TMEM232: variants seen among roughly 807,000 people sequenced by gnomAD.
TMEM232 encodes transmembrane protein 232.
In TMEM232, 80 loss-of-function variants were observed where a neutral mutation model predicts 78.8. The ratio of observed to expected loss-of-function variants is 1.01; its 90% confidence interval spans 0.85 to 1.22. The LOEUF is 1.22. Ranked by LOEUF, TMEM232 falls within the 50% of genes most tolerant of loss-of-function variation. The pLI is 0.00. For synonymous variants in TMEM232, 297 were observed against 254.3 expected (o/e 1.17, Z -1.60); for missense variants, 881 against 742.2 (o/e 1.19, Z -2.17).
At chr5:110,652,650 G>A (rs1788498787) in intron 2 of TMEM232, among the ~76,000 whole-genome samples, 1 of 152,080 alleles carries the variant, frequency 6.6e-6, no homozygotes, top group Non-Finnish European at 1.5e-5. Flanking sequence ...TTTAGTGAGA[G>A]ATAAACATAG....
intron 2 of TMEM232, among the ~76,000 whole-genome samples, chr5:110,651,451 G>A (rs890828104): frequency 2.1e-5 from 3 of 145,534 alleles, no homozygotes; most frequent in Non-Finnish European, 4.6e-5. Flanking sequence ...GGAGGAAAAG[G>A]GAAAGGGAAA....
chr5:110,473,713 T>C (rs1473800553), intron 12 of TMEM232, among the ~76,000 whole-genome samples: 1 of 150,690 alleles, frequency 6.6e-6, no homozygotes, highest in African/African-American at 2.4e-5. Flanking sequence ...CTATTCACCA[T>C]AGCTGAGATA....
rs1429118362 is a variant in TMEM232 at position 110,428,449 on chromosome 5, A to G, written c.1704-3533T>C. On this transcript the variant is annotated intron_variant, in intron 12 of 13. Transcript: ENST00000455884. ...AGGAATTTCTTTCTCAATGACCTGGAGCCATCTCTTTGAAAGATATCCTCA... is the reference window on the plus strand; with the variant it reads ...AGGAATTTCTTTCTCAATGACCTGGGGCCATCTCTTTGAAAGATATCCTCA... Among the ~76,000 whole-genome samples, 4 of 151,800 alleles carry G rather than the reference A, an allele frequency of 2.6e-5. No individual in the cohort carries two copies. The East Asian group carries it at 7.8e-4, about 29-fold the overall frequency.
At chr5:110,738,270 A>G (rs1415301137), upstream of TMEM232, 1 of 1,275,966 alleles carries the variant, frequency 7.8e-7, no homozygotes, top group Non-Finnish European at 1.0e-6. Context: ...GCTCTACAGT[A>G]GTCCTCTCAG....
intron 10 of TMEM232, among the ~76,000 whole-genome samples, chr5:110,598,693 G>A (rs1047520720): frequency 1.3e-5 from 2 of 151,860 alleles, no homozygotes; most frequent in African/African-American, 4.8e-5. Context: ...AAAAAATGAG[G>A]AGTTCATGTC....
At chr5:110,588,889 A>G (rs1234703850) in intron 10 of TMEM232, among the ~76,000 whole-genome samples, 1 of 152,060 alleles carries the variant, frequency 6.6e-6, no homozygotes, top group Non-Finnish European at 1.5e-5. Context: ...TTCATTATCT[A>G]TTTCTAAATA....
At chr5:110,664,172 G>A (rs1286411652) in intron 2 of TMEM232, among the ~76,000 whole-genome samples, 1 of 151,986 alleles carries the variant, frequency 6.6e-6, no homozygotes, top group Admixed American at 6.6e-5. Flanking sequence ...GGACACACCT[G>A]CACAGATACA....
intron 10 of TMEM232, among the ~76,000 whole-genome samples, chr5:110,573,018 TGA>T (rs1428684934): frequency 6.6e-6 from 1 of 152,012 alleles, no homozygotes; most frequent in Non-Finnish European, 1.5e-5. Context: ...TTAAATATAC[TGA>T]GAGAAAATAT....
intron 11 of TMEM232, among the ~76,000 whole-genome samples, chr5:110,540,679 A>G (rs770427717): frequency 1.1e-4 from 17 of 152,226 alleles, no homozygotes; most frequent in Non-Finnish European, 5.9e-5. Flanking sequence ...TCGTAGTACA[A>G]TTGAAGCCCA....
chr5:110,551,095 C>T (rs1253988760), intron 11 of TMEM232, among the ~76,000 whole-genome samples: 7 of 152,034 alleles, frequency 4.6e-5, no homozygotes, highest in Non-Finnish European at 1.0e-4. Context: ...TATTTTGCCT[C>T]TTAAGAAAAA....
intron 8 of TMEM232, among the ~76,000 whole-genome samples, chr5:110,608,273 G>A (rs1781754444): frequency 1.3e-5 from 2 of 151,852 alleles, no homozygotes; most frequent in African/African-American, 4.8e-5. Flanking sequence ...AAAATGACAA[G>A]GTTCAGAATG....
intron 1 of TMEM232, among the ~76,000 whole-genome samples, chr5:110,700,153 T>A (rs986967692): frequency 6.6e-6 from 1 of 152,046 alleles, no homozygotes; most frequent in Non-Finnish European, 1.5e-5. Flanking sequence ...TCCCCAGGTA[T>A]TTTCTAAGAT....
chr5:110,495,790 C>T (rs1310021374), intron 12 of TMEM232, among the ~76,000 whole-genome samples: 1 of 150,376 alleles, frequency 6.6e-6, no homozygotes, highest in Non-Finnish European at 1.5e-5. Flanking sequence ...TTTATAGTTA[C>T]TAGAACTAAA....
At chr5:110,577,113 T>C (rs1777657749) in intron 10 of TMEM232, among the ~76,000 whole-genome samples, 1 of 151,786 alleles carries the variant, frequency 6.6e-6, no homozygotes, top group African/African-American at 2.4e-5. Context: ...TGGGAGAAAA[T>C]TTTTGCACAT....
chr5:110,590,024 CAT>C (rs1779313055), intron 10 of TMEM232, among the ~76,000 whole-genome samples: 2 of 152,068 alleles, frequency 1.3e-5, no homozygotes, highest in Admixed American at 1.3e-4. Flanking sequence ...TCCATTAAGA[CAT>C]GTGTAGGATG....
chr5:110,405,582 TA>T (rs941682314), intron 2 of TMEM232, among the ~76,000 whole-genome samples: 84 of 150,996 alleles, frequency 5.6e-4, no homozygotes, highest in African/African-American at 1.8e-3. Flanking sequence ...AGTTGTAAAA[TA>T]AAAAAAATTG....
intron 12 of TMEM232, among the ~76,000 whole-genome samples, chr5:110,474,126 G>T (rs915440530): frequency 1.3e-5 from 2 of 151,662 alleles, no homozygotes; most frequent in Non-Finnish European, 3.0e-5. Flanking sequence ...TTTCAAAATA[G>T]CTATAAGAAC....
At chr5:110,635,953 T>C (rs771081350) in intron 5 of TMEM232, among the ~76,000 whole-genome samples, 1 of 151,952 alleles carries the variant, frequency 6.6e-6, no homozygotes, top group Non-Finnish European at 1.5e-5. Context: ...ATTATAGGAA[T>C]ACCTGCACTC....
chr5:110,677,018 C>A (rs978432062), intron 1 of TMEM232, among the ~76,000 whole-genome samples: 1 of 152,146 alleles, frequency 6.6e-6, no homozygotes, highest in Non-Finnish European at 1.5e-5. Context: ...GCCATAGCCT[C>A]CCAAAATGCT....
Sources: allele counts gnomAD v4.1 joint callset (sites outside exome capture counted in the v4.1 genomes callset), GRCh38; gene constraint gnomAD v4.1.1; transcripts MANE v1.5; gene names NCBI Gene and HGNC (gene_info 2026-07-23, HGNC 2026-07-21).